The following NRAP variants were observed in gnomAD, a reference collection of about 807,000 sequenced individuals.
NRAP encodes nebulin-related-anchoring protein.
A neutral mutation model predicts 225.9 loss-of-function variants in NRAP; 189 were observed. The observed-to-expected ratio is 0.84, with a 90% confidence interval of 0.74 to 0.94. NRAP has a LOEUF of 0.94. Ranked by LOEUF, NRAP falls within the 40% of genes least tolerant of loss-of-function variation. NRAP has a pLI of 0.00. For synonymous variants in NRAP, 769 were observed against 790.7 expected, an observed-to-expected ratio of 0.97 and a Z score of 0.46; for missense variants, 2,176 against 2,168.7, an observed-to-expected ratio of 1.00 and a Z score of -0.07.
intron 15 of NRAP, 21 bp from the exon 16 acceptor site, chr10:113,633,209 C>T: frequency 1.4e-6 from 2 of 1,384,676 alleles, no homozygotes; most frequent in Non-Finnish European, 2.1e-6. Context: ...TAAAATAAAT[C>T]TGTAGGGTTT....
rs1316764480 is a variant in NRAP, at chr10:113,595,742, G to A, written c.4432-15C>T. The A allele has an allele frequency of 6.5e-7, 1 of 1,539,678 alleles. No individual in the cohort carries two copies. The highest frequency in any genetic ancestry group is 2.2e-5 in the East Asian group (1 of 44,528). On this transcript the variant is annotated splice_polypyrimidine_tract_variant and intron_variant, in intron 37 of 41. Coordinates refer to ENST00000359988, the MANE Select transcript of NRAP (RefSeq NM_198060.4). ...CTATACATGCGCTGTAGATAAGATG[G>A]GCTCATGGTAAATAGAGAACTGTGT...
intron 25 of NRAP, among the ~76,000 whole-genome samples, chr10:113,618,021 A>G (rs1847771609): frequency 6.6e-6 from 1 of 152,136 alleles, no homozygotes; most frequent in Admixed American, 6.5e-5. Flanking sequence ...CCGCGAGCGT[A>G]TGCCGTCCAG....
In NRAP at chr10:113,610,371, AAAG is replaced by A. The variant is rs796300894; in HGVS notation, c.3603+85_3603+87del. ...TCTCAAATTAAAAAAAAAAAAAAAA[AAAG>A]GAAGAAAGAAAAAGGAAAGAAACAA... On this transcript the variant is annotated intron_variant, in intron 31 of 41. Transcript: ENST00000359988. 62 of 698,860 alleles carry A rather than the reference AAAG, an allele frequency of 8.9e-5. 1 individual carries two copies. The South Asian group carries it at 1.1e-3, about 12-fold the overall frequency. The allele number at this position is 698,860 out of a possible 1,614,324, so 43.3% of individuals were successfully genotyped here.
At chr10:113,643,070 A>G (rs1564747915) in intron 11 of NRAP, 32 bp from the exon 12 acceptor site, 1 of 1,070,868 alleles carries the variant, frequency 9.3e-7, no homozygotes, top group Admixed American at 1.7e-5. Context: ...CACACAATAG[A>G]ACCAAATCCG....
chr10:113,629,967 C>A (rs1848492902), intron 18 of NRAP, among the ~76,000 whole-genome samples, 182 bp from the exon 19 acceptor site: 1 of 152,198 alleles, frequency 6.6e-6, no homozygotes, highest in South Asian at 2.1e-4. Flanking sequence ...CATGAGGGAG[C>A]TGAGGTTCCA....
At chr10:113,637,308 A>G (rs1039227307) in intron 14 of NRAP, among the ~76,000 whole-genome samples, 1 of 152,184 alleles carries the variant, frequency 6.6e-6, no homozygotes, top group Admixed American at 6.5e-5. Flanking sequence ...AGGCACAGAG[A>G]CCGAAAGTGG....
intron 38 of NRAP, among the ~76,000 whole-genome samples, 172 bp from the exon 39 acceptor site, chr10:113,592,473 C>A (rs986742793): frequency 2.0e-5 from 3 of 152,124 alleles, no homozygotes; most frequent in Non-Finnish European, 4.4e-5. Context: ...TGGGGTTGGC[C>A]GTAAAAGGCT....
intron 41 of NRAP, 100 bp downstream of exon 41, chr10:113,589,566 A>G: frequency 1.4e-5 from 20 of 1,412,058 alleles, no homozygotes; most frequent in Non-Finnish European, 1.9e-5. Flanking sequence ...CTTTAGAGCT[A>G]GCTGACCTTT....
intron 35 of NRAP, among the ~76,000 whole-genome samples, chr10:113,601,488 T>C (rs969288119): frequency 2.0e-5 from 3 of 152,226 alleles, no homozygotes; most frequent in Non-Finnish European, 4.4e-5. Flanking sequence ...GAATCCAGAC[T>C]CTCTCATTAA....
chr10:113,590,941 C>G (rs1564690285), intron 39 of NRAP, 52 bp from the exon 40 acceptor site: 6 of 1,537,206 alleles, frequency 3.9e-6, no homozygotes, highest in Non-Finnish European at 5.4e-6. Context: ...TCCCCCAGGA[C>G]CAGCCTCACA....
rs1847739852 is a variant in NRAP, at chr10:113,617,526, A to G, written c.2902T>C (p.Leu968=). ...EKKYRQHPDA[L]KFTSIKDTPE... is the part of the protein sequence containing the mutation. ...GTGTCTTTAATACTGGTAAACTTCA[A>G]AGCATCTGGATGCTGACGGTACTTC... Residue 968 remains leucine, a synonymous_variant, in exon 26 of 42, where the codon TTG becomes CTG. Coordinates refer to ENST00000359988, the MANE Select transcript of NRAP (RefSeq NM_198060.4). 2 of 1,611,908 alleles carry G rather than the reference A, an allele frequency of 1.2e-6. No individual in the cohort carries two copies. The highest frequency in any genetic ancestry group is 1.7e-6 in the Non-Finnish European group (2 of 1,178,060).
intron 31 of NRAP, among the ~76,000 whole-genome samples, 195 bp downstream of exon 31, chr10:113,610,264 C>T (rs145455718): frequency 1.0e-3 from 151 of 150,950 alleles, no homozygotes; most frequent in African/African-American, 3.5e-3. Context: ...GCAGGAGAAT[C>T]GCTTGAACCC....
intron 32 of NRAP, among the ~76,000 whole-genome samples, chr10:113,607,829 G>A (rs1250957861): frequency 6.6e-6 from 1 of 152,152 alleles, no homozygotes; most frequent in African/African-American, 2.4e-5. Flanking sequence ...CAATGAGGCT[G>A]GAATGATAAT....
At chr10:113,655,942 C>T (rs1384438214) in intron 4 of NRAP, among the ~76,000 whole-genome samples, 1 of 151,946 alleles carries the variant, frequency 6.6e-6, no homozygotes, top group Non-Finnish European at 1.5e-5. Context: ...AATTCTAAGC[C>T]CCCTAACTAT....
In NRAP at chr10:113,645,940, A is replaced by G. The variant is rs1007672313; in HGVS notation, c.995T>C (p.Ile332Thr). The change falls in exon 11 of 42, where the codon ATA becomes ACA. Residue 332 changes from isoleucine (I) to threonine (T), a missense_variant and splice_region_variant. Physicochemically the swap from Ile to Thr is moderately conservative, Grantham distance 89. Around this residue, in one of 3 missense-constraint regions of NRAP, gnomAD observed 1,708 missense variants for 1,695.5 expected, o/e 1.01. Coordinates refer to ENST00000359988, the MANE Select transcript of NRAP (RefSeq NM_198060.4). ...CTTATTGAAGTCCTGCCTGTATTTT[A>G]TCTGAAAAAAAAAACACAAAACGGG... is the stretch of plus-strand genomic sequence containing the variant. ...AKKAHELASDIKYRQDFNKMK... is the reference protein window; with the variant it reads ...AKKAHELASDTKYRQDFNKMK... The G allele has an allele frequency of 1.4e-6, 2 of 1,472,694 alleles. No homozygotes were observed. The highest frequency in any genetic ancestry group is 1.7e-4 in the Middle Eastern group (1 of 5,762). 91.2% of individuals were successfully genotyped at this position (1,472,694 alleles called of 1,614,324 possible). A position where few individuals can be genotyped will look rare whatever the true frequency, so the allele number is the denominator to read the frequency against.
At chr10:113,645,127 G>C (rs1849424969) in intron 11 of NRAP, among the ~76,000 whole-genome samples, 1 of 152,190 alleles carries the variant, frequency 6.6e-6, no homozygotes, top group Non-Finnish European at 1.5e-5. Flanking sequence ...TCAGAACTCA[G>C]ACTTCAGTAA....
chr10:113,600,189 G>T (rs868758280), intron 35 of NRAP, among the ~76,000 whole-genome samples: 3 of 70,592 alleles, frequency 4.2e-5, no homozygotes, highest in Admixed American at 1.3e-4. Flanking sequence ...CTCTCTCTCT[G>T]GAGATGGGGT....
chr10:113,658,356 A>G (rs1850441795), intron 3 of NRAP, among the ~76,000 whole-genome samples: 1 of 152,198 alleles, frequency 6.6e-6, no homozygotes, highest in African/African-American at 2.4e-5. Flanking sequence ...ATATTCGTTC[A>G]GAATCAGTCT....
chr10:113,620,567 G>T, intron 25 of NRAP, 37 bp downstream of exon 25: 14 of 1,293,622 alleles, frequency 1.1e-5, no homozygotes, highest in Non-Finnish European at 1.6e-5. Context: ...CACGCCTAAT[G>T]CAGCCAGGCC....
Sources: allele counts gnomAD v4.1 joint callset (sites outside exome capture counted in the v4.1 genomes callset), GRCh38; gene constraint gnomAD v4.1.1; regional missense constraint gnomAD v4.1.1; transcripts MANE v1.5; gene names NCBI Gene and HGNC (gene_info 2026-07-23, HGNC 2026-07-21).